MGAT5: variants seen among roughly 807,000 people sequenced by gnomAD.
MGAT5 encodes the protein alpha-1,6-mannosylglycoprotein 6-beta-N-acetylglucosaminyltransferase A.
In MGAT5, 30 loss-of-function variants were observed where a neutral mutation model predicts 94.3. The ratio of observed to expected loss-of-function variants is 0.32; its 90% CI spans 0.24 to 0.43. The LOEUF (loss-of-function observed/expected upper bound fraction) is 0.43, where lower values mean the gene tolerates loss of function less well. Among genes scored for constraint, MGAT5 ranks in the 20% least tolerant of loss-of-function variants. The pLI is 1.00. For missense variants in MGAT5, 691 were observed against 905.5 expected, an observed-to-expected ratio of 0.76 and a Z score of 3.04; for synonymous variants, 310 against 322.9, an observed-to-expected ratio of 0.96 and a Z score of 0.43.
chr2:134,303,500 GTC>G (rs1686153334), intron 2 of MGAT5, among the ~76,000 whole-genome samples: 1 of 152,080 alleles, frequency 6.6e-6, no homozygotes, highest in Admixed American at 6.5e-5. Flanking sequence ...GTTAGGGTGT[GTC>G]TGTTTCCATT....
chr2:134,414,519 G>C (rs1210678448), intron 12 of MGAT5, among the ~76,000 whole-genome samples: 1 of 152,066 alleles, frequency 6.6e-6, no homozygotes, highest in Non-Finnish European at 1.5e-5. Context: ...TATGCTTAAG[G>C]TGTACACCTT....
intron 6 of MGAT5, among the ~76,000 whole-genome samples, chr2:134,338,767 A>G (rs1688473348): frequency 6.6e-6 from 1 of 151,894 alleles, no homozygotes; most frequent in Non-Finnish European, 1.5e-5. Context: ...AAAATTTTGT[A>G]TTTTTGTTGT....
chr2:134,342,719 TAAAAAA>T (rs3838499), intron 7 of MGAT5, among the ~76,000 whole-genome samples: 1 of 138,780 alleles, frequency 7.2e-6, no homozygotes, highest in African/African-American at 2.7e-5. Context: ...GTCTCTGTCT[TAAAAAA>T]AAAAAAAAAA....
chr2:134,121,524 C>T (rs538971542), intron 1 of MGAT5, among the ~76,000 whole-genome samples: 2 of 152,256 alleles, frequency 1.3e-5, no homozygotes, highest in East Asian at 1.9e-4. Context: ...GGGAACCGGG[C>T]GATGTGGATG....
intron 4 of MGAT5, among the ~76,000 whole-genome samples, chr2:134,323,720 T>A (rs1264744396): frequency 6.6e-6 from 1 of 152,074 alleles, no homozygotes; most frequent in Non-Finnish European, 1.5e-5. Flanking sequence ...AGATCTTCAT[T>A]GCTAGTTGTC....
intron 2 of MGAT5, among the ~76,000 whole-genome samples, chr2:134,296,843 C>G (rs982664112): frequency 6.6e-6 from 1 of 152,078 alleles, no homozygotes; most frequent in Non-Finnish European, 1.5e-5. Flanking sequence ...TAAGTTCATA[C>G]TATGAAATGA....
intron 1 of MGAT5, among the ~76,000 whole-genome samples, chr2:134,125,749 G>A (rs560557544): frequency 5.3e-5 from 8 of 152,346 alleles, no homozygotes; most frequent in African/African-American, 1.9e-4. Flanking sequence ...GTGGTAGGGA[G>A]CAGGTTGGTG....
chr2:134,316,131 A>G (rs76618978), intron 2 of MGAT5, among the ~76,000 whole-genome samples: 4 of 152,194 alleles, frequency 2.6e-5, no homozygotes, highest in Non-Finnish European at 4.4e-5. Context: ...AAAGAGAAGC[A>G]TATAGGTTTA....
chr2:134,414,832 T>G (rs1020247149), intron 12 of MGAT5, among the ~76,000 whole-genome samples: 1 of 152,200 alleles, frequency 6.6e-6, no homozygotes, highest in South Asian at 2.1e-4. Context: ...TTACTGTGAG[T>G]TGAACTGTGA....
chr2:134,283,915 A>T (rs192636740), intron 2 of MGAT5, among the ~76,000 whole-genome samples: 1 of 152,092 alleles, frequency 6.6e-6, no homozygotes, highest in African/African-American at 2.4e-5. Context: ...TAGAGTTGAG[A>T]ATGTAAACTG....
intron 9 of MGAT5, among the ~76,000 whole-genome samples, chr2:134,354,284 G>A (rs1679579528): frequency 6.6e-6 from 1 of 152,164 alleles, no homozygotes; most frequent in South Asian, 2.1e-4. Context: ...ACAGTTTGGA[G>A]ACTGCAGAAA....
At chr2:134,386,701 T>G (rs1252637540) in intron 10 of MGAT5, among the ~76,000 whole-genome samples, 1 of 152,242 alleles carries the variant, frequency 6.6e-6, no homozygotes, top group African/African-American at 2.4e-5. Context: ...TCTGAAGCTG[T>G]GTCTAGTCTT....
chr2:134,295,246 C>A (rs1424850748), intron 2 of MGAT5, among the ~76,000 whole-genome samples: 1 of 151,872 alleles, frequency 6.6e-6, no homozygotes, highest in Non-Finnish European at 1.5e-5. Flanking sequence ...CCAGAAAAAT[C>A]TAGAAACTAT....
chr2:134,240,319 T>G (rs1478902344), intron 1 of MGAT5, among the ~76,000 whole-genome samples: 3 of 151,940 alleles, frequency 2.0e-5, no homozygotes, highest in African/African-American at 7.3e-5. Flanking sequence ...CCTAGGGATT[T>G]TTGAGGGTGC....
chr2:134,146,520 A>G (rs1450257871), intron 1 of MGAT5, among the ~76,000 whole-genome samples: 1 of 152,104 alleles, frequency 6.6e-6, no homozygotes, highest in Non-Finnish European at 1.5e-5. Context: ...TGATAGCACC[A>G]CTGCACTCCA....
In MGAT5 at chr2:134,281,221, G is replaced by A. The variant is rs114947861; in HGVS notation, c.406+10671G>A. Reference sequence around the variant, plus strand: ...AGATCCTGGTCCAACATCTTCCTGTGACCTACCTACTGACCTTGCCCTCTG... The same window carrying A: ...AGATCCTGGTCCAACATCTTCCTGTAACCTACCTACTGACCTTGCCCTCTG... On this transcript the variant is annotated intron_variant, in intron 2 of 15. Transcript: ENST00000281923. Among the ~76,000 whole-genome samples, 1,255 of 152,302 alleles carry A rather than the reference G, an allele frequency of 8.2e-3. 15 individuals carry two copies. The highest frequency in any genetic ancestry group is 0.029 in the African/African-American group (1,198 of 41,568).
chr2:134,325,379 C>CTTT (rs1024618015), intron 4 of MGAT5, among the ~76,000 whole-genome samples: 5 of 152,148 alleles, frequency 3.3e-5, no homozygotes, highest in Admixed American at 3.3e-4. Context: ...ATGTTTTAAA[C>CTTT]TTTTTAATAT....
chr2:134,424,643 C>A (rs1364709187), intron 13 of MGAT5, among the ~76,000 whole-genome samples: 2 of 152,148 alleles, frequency 1.3e-5, no homozygotes, highest in Non-Finnish European at 2.9e-5. Flanking sequence ...CCTAGGGCTG[C>A]CGTAACACAG....
At chr2:134,374,149 G>T (rs1681006322) in intron 10 of MGAT5, among the ~76,000 whole-genome samples, 2 of 152,130 alleles carry the variant, frequency 1.3e-5, no homozygotes, top group Admixed American at 6.5e-5. Flanking sequence ...TTAAATCTGG[G>T]AAGGGTGGGG....
Sources: allele counts gnomAD v4.1 joint callset (sites outside exome capture counted in the v4.1 genomes callset), GRCh38; gene constraint gnomAD v4.1.1; transcripts MANE v1.5; gene names NCBI Gene and HGNC (gene_info 2026-07-23, HGNC 2026-07-21).